Variants in ZKSCAN5 observed in about 807,000 individuals in gnomAD.
ZKSCAN5 encodes zinc finger with KRAB and SCAN domains 5.
A neutral mutation model predicts 60.0 loss-of-function variants in ZKSCAN5; 28 were observed. That is an observed-to-expected ratio of 0.47 (90% CI 0.35 to 0.64). The LOEUF is 0.64. Among genes scored for constraint, ZKSCAN5 ranks in the 30% least tolerant of loss-of-function variants. The pLI, the probability that ZKSCAN5 is intolerant of heterozygous loss-of-function variation, is 0.01. For synonymous variants in ZKSCAN5, 361 were observed against 371.2 expected, an observed-to-expected ratio of 0.97 and a Z score of 0.31; for missense variants, 881 against 1,034.6, an observed-to-expected ratio of 0.85 and a Z score of 2.04.
intron 6 of ZKSCAN5, among the ~76,000 whole-genome samples, chr7:99,528,149 T>C (rs998511392): frequency 2.0e-5 from 3 of 151,078 alleles, no homozygotes; most frequent in Admixed American, 2.0e-4. Flanking sequence ...TAATTCTGCC[T>C]TTGATGTTTA....
rs1056245709 is a variant in ZKSCAN5 at position 99,511,752 on chromosome 7, C to G, written c.415-701C>G. On this transcript the variant is annotated intron_variant, in intron 2 of 6. Transcript: ENST00000326775. ...GCTACCGTTTCAGTGTTCTCTCTGC[C>G]TGGGTCACTTCTACGTTTTTCCCGG... Among the ~76,000 whole-genome samples the G allele has an allele frequency of 3.7e-3, 59 of 15,958 alleles. 1 individual carries two copies. Among genetic ancestry groups the G allele is most frequent in the Admixed American group, 7.5e-3 (12 of 1,594 alleles). 10.5% of individuals were successfully genotyped at this position (15,958 alleles called of 152,430 possible).
intron 6 of ZKSCAN5, among the ~76,000 whole-genome samples, chr7:99,530,779 A>G (rs1257912051): frequency 2.0e-5 from 3 of 152,176 alleles, no homozygotes; most frequent in Admixed American, 6.5e-5. Context: ...CTGATGGGCC[A>G]GGCACGGTGG....
Position 99,532,005 on chromosome 7 carries a change from A to C in ZKSCAN5, c.2276A>C (p.His759Pro). 6.2e-7 allele frequency: 1 copy of C among 1,614,220 alleles called. No homozygotes were observed. Among genetic ancestry groups the C allele is most frequent in the Non-Finnish European group, 8.5e-7 (1 of 1,180,044 alleles). The change falls in exon 7 of 7, where the codon CAC becomes CCC. Residue 759 changes from histidine to proline, a missense_variant. Transcript: ENST00000326775. ...AGAGAAAATGTTGGCCAGTGTTCCC[A>C]CACCAAACAACATCAAAAAATCTAC... ...ICRENVGQCS[H>P]TKQHQKIYSS...
rs775826184 is a variant in ZKSCAN5, at chr7:99,525,931, A to G, written c.891A>G (p.Ala297=). ...ERSVPQDPDF[A]EVSDLKGMVQ... is the part of the protein sequence containing the mutation. ...GCGTTCCTCAGGATCCAGACTTTGCAGAAGTCAGTGACCTTAAAGGCATGG... is the reference window on the plus strand; with the variant it reads ...GCGTTCCTCAGGATCCAGACTTTGCGGAAGTCAGTGACCTTAAAGGCATGG... The change falls in exon 6 of 7, where the codon GCA becomes GCG. Residue 297 remains alanine (A), a synonymous_variant. Transcript: ENST00000326775. 1.9e-6 allele frequency: 3 copies of G among 1,614,134 alleles called. No homozygotes were observed. Among genetic ancestry groups the G allele is most frequent in the Non-Finnish European group, 2.5e-6 (3 of 1,180,030 alleles).
rs768584383 is a variant in ZKSCAN5, at chr7:99,525,863, G to A, written c.823G>A (p.Asp275Asn). ...MELIVKQISD[D>N]SESHWVAPEH... ...GCTCATAGTGAAGCAGATTTCTGAT[G>A]ACTCTGAATCACACTGGGTGGCGCC... The change falls in exon 6 of 7, where the codon GAC becomes AAC. Residue 275 changes from aspartate (D) to asparagine (N), a missense_variant. This residue lies in a region of ZKSCAN5 where 490 missense variants were observed against 554.5 expected (regional missense o/e 0.88). Coordinates refer to ENST00000326775, the MANE Select transcript of ZKSCAN5 (RefSeq NM_145102.4). 13 of 1,613,776 alleles carry A rather than the reference G, an allele frequency of 8.1e-6. No individual in the cohort carries two copies. The South Asian group carries it at 1.1e-4, about 14-fold the overall frequency.
chr7:99,514,304 A>G (rs1333042145), intron 3 of ZKSCAN5, among the ~76,000 whole-genome samples: 1 of 152,094 alleles, frequency 6.6e-6, no homozygotes, highest in Non-Finnish European at 1.5e-5. Context: ...TCTCTGTTAC[A>G]CTTTCAGTTT....
chr7:99,505,934 C>A, intron 1 of ZKSCAN5, 71 bp from the exon 2 acceptor site: 1 of 1,273,580 alleles, frequency 7.9e-7, no homozygotes, highest in Non-Finnish European at 1.1e-6. Flanking sequence ...ATGCCCAATA[C>A]ATCAGTAGGT....
At chr7:99,528,197 G>A (rs370015266) in intron 6 of ZKSCAN5, among the ~76,000 whole-genome samples, 1 of 149,128 alleles carries the variant, frequency 6.7e-6, no homozygotes, top group Non-Finnish European at 1.5e-5. Context: ...ACAGAAGTCA[G>A]TAAAGTGTCT....
Position 99,506,440 on chromosome 7 carries a change from TGAG to T in ZKSCAN5, c.399_401del (p.Glu134del), listed in dbSNP as rs1800732685. 1 of 1,611,590 alleles carries T rather than the reference TGAG, an allele frequency of 6.2e-7. No homozygotes were observed. Among genetic ancestry groups the T allele is most frequent in the African/African-American group, 1.3e-5 (1 of 74,760 alleles). ...TGATAGAAAATATACAGCGAGAACT[TGAG>T]GAACGCAGACAGCAGGTGAGTCAAA... is the stretch of plus-strand genomic sequence containing the variant. On this transcript the variant is annotated inframe_deletion, in exon 2 of 7. Transcript: ENST00000326775.
intron 1 of ZKSCAN5, 29 bp downstream of exon 1, chr7:99,504,762 G>A (rs1479025226): frequency 6.6e-6 from 1 of 152,522 alleles, no homozygotes; most frequent in African/African-American, 2.4e-5. Flanking sequence ...TGGGTGGTGA[G>A]AGTAGCGAGG....
At chr7:99,519,273 ATTTTTTTTT>A (rs536984886) in intron 3 of ZKSCAN5, among the ~76,000 whole-genome samples, 1 of 112,666 alleles carries the variant, frequency 8.9e-6, no homozygotes, top group Non-Finnish European at 1.8e-5. Flanking sequence ...CACGCCCAGT[ATTTTTTTTT>A]TTTTTTTTTT....
At position 99,534,674 on chromosome 7, in the gene ZKSCAN5, T is replaced by TAAAAAAA. The variant is rs55658352; in HGVS notation, c.*2445_*2451dup. The TAAAAAAA allele has an allele frequency of 1.8e-5, 1 of 55,080 alleles. No individual in the cohort carries two copies. Among genetic ancestry groups the TAAAAAAA allele is most frequent in the African/African-American group, 6.7e-5 (1 of 15,018 alleles). The allele number at this position is 55,080 out of a possible 1,614,324, so 3.4% of individuals were successfully genotyped here. On this transcript the variant is annotated 3_prime_UTR_variant, in exon 7 of 7. Transcript: ENST00000326775. ...GCCCAGTTGACAGAGCGACAGTGTC[T>TAAAAAAA]AAAAAAAAAAAAAAAAAAAAAAAAA...
chr7:99,507,499 G>GTGTATATATGTGTATATATA (rs1562901501), intron 2 of ZKSCAN5, among the ~76,000 whole-genome samples: 2 of 130,868 alleles, frequency 1.5e-5, no homozygotes, highest in African/African-American at 6.0e-5. Flanking sequence ...ATGTATATAT[G>GTGTATATATGTGTATATATA]TGTATATATA....
chr7:99,505,563 A>C (rs986821078), intron 1 of ZKSCAN5: 1 of 160,130 alleles, frequency 6.2e-6, no homozygotes, highest in South Asian at 1.6e-4. Flanking sequence ...TGGCCTGTCA[A>C]GCTCTTGTAG....
chr7:99,533,286 C>T lies in ZKSCAN5; in HGVS notation c.*1037C>T, dbSNP rs1337647209. The T allele has an allele frequency of 4.5e-6, 3 of 674,096 alleles. No individual in the cohort carries two copies. Among genetic ancestry groups the T allele is most frequent in the South Asian group, 3.1e-5 (2 of 64,362 alleles). 41.8% of individuals were successfully genotyped at this position (674,096 alleles called of 1,614,324 possible). A position where few individuals can be genotyped will look rare whatever the true frequency, so the allele number is the denominator to read the frequency against. On this transcript the variant is annotated 3_prime_UTR_variant, in exon 7 of 7. Coordinates refer to ENST00000326775, the MANE Select transcript of ZKSCAN5 (RefSeq NM_145102.4). ...CAGGCAGGAGGTCCTGTTAGCCCTGCCTTCCAGGAAGGTTGGGGTGGGAGT... is the reference window on the plus strand; with the variant it reads ...CAGGCAGGAGGTCCTGTTAGCCCTGTCTTCCAGGAAGGTTGGGGTGGGAGT...
chr7:99,522,510 G>T (rs1801582469), intron 5 of ZKSCAN5, among the ~76,000 whole-genome samples: 1 of 150,108 alleles, frequency 6.7e-6, no homozygotes, highest in Non-Finnish European at 1.5e-5. Flanking sequence ...GTCTCGCTCT[G>T]TTGCCCAGGG....
At chr7:99,522,753 C>T (rs537134121) in intron 5 of ZKSCAN5, among the ~76,000 whole-genome samples, 2 of 151,948 alleles carry the variant, frequency 1.3e-5, no homozygotes, top group South Asian at 4.2e-4. Context: ...TTCCAAAGTG[C>T]TGGGATTACA....
At chr7:99,515,833 C>CAA (rs1165846971) in intron 3 of ZKSCAN5, among the ~76,000 whole-genome samples, 2 of 66,766 alleles carry the variant, frequency 3.0e-5, no homozygotes, top group Non-Finnish European at 3.2e-5. Flanking sequence ...GACTCCATCT[C>CAA]AAAAAAAAAA....
chr7:99,507,529 GTGTATATATATA>G (rs1290486265), intron 2 of ZKSCAN5, among the ~76,000 whole-genome samples: 164 of 120,192 alleles, frequency 1.4e-3, no homozygotes, highest in African/African-American at 6.6e-3. Flanking sequence ...ATATGTATAT[GTGTATATATATA>G]TGTATATATA....
Sources: allele counts gnomAD v4.1 joint callset (sites outside exome capture counted in the v4.1 genomes callset), GRCh38; gene constraint gnomAD v4.1.1; regional missense constraint gnomAD v4.1.1; transcripts MANE v1.5; gene names NCBI Gene and HGNC (gene_info 2026-07-23, HGNC 2026-07-21).